HIVEP3: variants seen among roughly 807,000 people sequenced by gnomAD.
HIVEP3 encodes the protein HIVEP zinc finger 3.
A neutral mutation model predicts 152.8 loss-of-function variants in HIVEP3; 49 were observed. The ratio of observed to expected loss-of-function variants is 0.32; its 90% confidence interval spans 0.26 to 0.41. The LOEUF is 0.41. HIVEP3 is among the 10% of genes least tolerant of loss of function. HIVEP3 has a pLI of 1.00. For missense variants in HIVEP3, 2,790 were observed against 3,103.3 expected, an observed-to-expected ratio of 0.90 and a Z score of 2.40; for synonymous variants, 1,269 against 1,289.0, an observed-to-expected ratio of 0.98 and a Z score of 0.33.
chr1:41,758,195 T>C (rs1216206430), intron 1 of HIVEP3, among the ~76,000 whole-genome samples: 1 of 151,966 alleles, frequency 6.6e-6, no homozygotes, highest in Non-Finnish European at 1.5e-5. Context: ...TTTGGTGGGG[T>C]CTGAAGACCA....
chr1:41,586,672 G>A (rs1480677078), intron 3 of HIVEP3, among the ~76,000 whole-genome samples: 1 of 152,190 alleles, frequency 6.6e-6, no homozygotes, highest in African/African-American at 2.4e-5. Context: ...CTCAGAAGAC[G>A]AACAAGTCTT....
chr1:41,722,506 C>T (rs1291121883), intron 1 of HIVEP3, among the ~76,000 whole-genome samples: 1 of 132,990 alleles, frequency 7.5e-6, no homozygotes, highest in Non-Finnish European at 1.6e-5. Flanking sequence ...CCCTTCCCTT[C>T]CCTTCCCTCC....
intron 1 of HIVEP3, among the ~76,000 whole-genome samples, chr1:41,811,070 C>T (rs1650928547): frequency 6.6e-6 from 1 of 151,792 alleles, no homozygotes; most frequent in Admixed American, 6.6e-5. Context: ...TTATTTCCCC[C>T]ATTGGCCTGA....
intron 1 of HIVEP3, among the ~76,000 whole-genome samples, chr1:41,885,187 G>A (rs1192600506): frequency 6.6e-6 from 1 of 152,150 alleles, no homozygotes; most frequent in Non-Finnish European, 1.5e-5. Context: ...AGTAAGACTT[G>A]GTTCAAGAAA....
chr1:41,791,805 T>A (rs910946594), intron 1 of HIVEP3, among the ~76,000 whole-genome samples: 3 of 152,270 alleles, frequency 2.0e-5, no homozygotes, highest in Middle Eastern at 3.4e-3. Flanking sequence ...CACACCTCTC[T>A]AGCCACACAT....
chr1:41,546,735 G>C (rs1393611026), intron 5 of HIVEP3, among the ~76,000 whole-genome samples: 2 of 152,200 alleles, frequency 1.3e-5, no homozygotes, highest in Non-Finnish European at 2.9e-5. Flanking sequence ...ATGCCTCCCT[G>C]CATCAGGCCT....
intron 2 of HIVEP3, among the ~76,000 whole-genome samples, chr1:41,635,536 G>A (rs535769063): frequency 2.2e-5 from 1 of 45,800 alleles, no homozygotes; most frequent in South Asian, 4.8e-4. Context: ...ATATATGCAC[G>A]TATATGTATG....
intron 1 of HIVEP3, among the ~76,000 whole-genome samples, chr1:42,026,177 CAGAAGGGT>C (rs1645581214): frequency 6.6e-6 from 1 of 152,114 alleles, no homozygotes; most frequent in South Asian, 2.1e-4. Context: ...CCTGCTGTCC[CAGAAGGGT>C]AGAGAGAACT....
At chr1:42,011,358 T>G (rs1645491329) in intron 1 of HIVEP3, among the ~76,000 whole-genome samples, 1 of 152,326 alleles carries the variant, frequency 6.6e-6, no homozygotes, top group Admixed American at 6.5e-5. Context: ...AAATCTAGAC[T>G]CACGTGTATA....
At chr1:41,824,784 T>TAGAGAGAGAGAGAG (rs397979993) in intron 1 of HIVEP3, among the ~76,000 whole-genome samples, 31 of 11,346 alleles carry the variant, frequency 2.7e-3, no homozygotes, top group Non-Finnish European at 4.7e-3. Flanking sequence ...TATATATATA[T>TAGAGAGAGAGAGAG]AGAGAGAGAG....
intron 2 of HIVEP3, among the ~76,000 whole-genome samples, chr1:41,690,070 T>C (rs1469332571): frequency 6.6e-6 from 1 of 152,276 alleles, no homozygotes; most frequent in African/African-American, 2.4e-5. Flanking sequence ...ATTCATTCAA[T>C]ACACTTGTAT....
chr1:41,590,325 T>A (rs1024837311), intron 3 of HIVEP3, among the ~76,000 whole-genome samples: 1 of 152,220 alleles, frequency 6.6e-6, no homozygotes, highest in African/African-American at 2.4e-5. Context: ...CTTGTAGTAA[T>A]CAAAGGCCCC....
At chr1:41,638,256 G>GAGAAAGAAA (rs1553241157) in intron 2 of HIVEP3, among the ~76,000 whole-genome samples, 11,795 of 121,292 alleles carry the variant, frequency 0.097, 1,532 homozygotes, top group East Asian at 0.47. Flanking sequence ...AAGAAAGAGA[G>GAGAAAGAAA]AGAAAGAAAG....
At chr1:41,736,950 T>C (rs1024431271) in intron 1 of HIVEP3, among the ~76,000 whole-genome samples, 3 of 152,146 alleles carry the variant, frequency 2.0e-5, no homozygotes, top group Admixed American at 6.5e-5. Context: ...GGGCTGACTC[T>C]TCAGGCTCCA....
intron 3 of HIVEP3, among the ~76,000 whole-genome samples, chr1:41,610,136 T>C (rs571238411): frequency 6.6e-6 from 1 of 152,338 alleles, no homozygotes; most frequent in South Asian, 2.1e-4. Context: ...CACAACTGCA[T>C]GAGCCAATTC....
intron 2 of HIVEP3, among the ~76,000 whole-genome samples, chr1:41,671,696 A>C (rs1489404515): frequency 6.6e-6 from 1 of 152,094 alleles, no homozygotes; most frequent in Non-Finnish European, 1.5e-5. Flanking sequence ...CCCCACACCC[A>C]CAGCTCCCAG....
At chr1:41,935,612 C>T (rs528608227) in intron 1 of HIVEP3, among the ~76,000 whole-genome samples, 4 of 151,932 alleles carry the variant, frequency 2.6e-5, no homozygotes, top group Admixed American at 1.3e-4. Flanking sequence ...ATGTCTCTCT[C>T]ACTCTCTCTC....
chr1:41,938,808 G>A (rs1645032397), intron 1 of HIVEP3, among the ~76,000 whole-genome samples: 1 of 152,188 alleles, frequency 6.6e-6, no homozygotes, highest in Non-Finnish European at 1.5e-5. Flanking sequence ...GGGAATCTGA[G>A]TCCTACTCTA....
chr1:41,969,886 T>C (rs926688941), intron 1 of HIVEP3, among the ~76,000 whole-genome samples: 1 of 152,070 alleles, frequency 6.6e-6, no homozygotes, highest in Non-Finnish European at 1.5e-5. Context: ...CATTAAAAAG[T>C]GGGCAAAGGA....
Sources: gnomAD v4.1 joint callset for allele counts (sites outside exome capture counted in the v4.1 genomes callset) on GRCh38, gnomAD v4.1.1 for gene constraint, MANE v1.5 for transcripts, NCBI Gene and HGNC (gene_info 2026-07-23, HGNC 2026-07-21) for gene names.